Variants in ACSL3 observed in about 807,000 individuals in gnomAD.
ACSL3 encodes the protein fatty acid CoA ligase Acsl3.
ACSL3 carries 34 observed loss-of-function variants against 84.7 expected under a neutral mutation model. The ratio of observed to expected loss-of-function variants is 0.40; its 90% CI spans 0.31 to 0.53. The LOEUF is 0.53. Among genes scored for constraint, ACSL3 ranks in the 20% least tolerant of loss-of-function variants. The probability of loss-of-function intolerance (pLI) is 0.48; values close to 1 mark genes in which losing one functional copy is unlikely to be tolerated. For synonymous variants in ACSL3, 315 were observed against 299.4 expected (o/e 1.05, Z -0.54); for missense variants, 680 against 873.1 (o/e 0.78, Z 2.79).
rs55727337 is a variant in ACSL3 at position 222,925,030 on chromosome 2, C to CA, written c.1292+451dup. Among the ~76,000 whole-genome samples the CA allele has an allele frequency of 1.8e-3, 246 of 137,262 alleles. 2 individuals are homozygous for CA. Among genetic ancestry groups the CA allele is most frequent in the African/African-American group, 6.3e-3 (229 of 36,374 alleles). 90.0% of individuals were successfully genotyped at this position (137,262 alleles called of 152,430 possible). A position where few individuals can be genotyped will look rare whatever the true frequency, so the allele number is the denominator to read the frequency against. On this transcript the variant is annotated intron_variant, in intron 11 of 16. Coordinates refer to ENST00000357430, the MANE Select transcript of ACSL3 (RefSeq NM_004457.5). Reference sequence around the variant, plus strand: ...TGGGCGACAGAGCGAGAATCCGTCTCAAAAAAAAAAAAAAAATCCATCCTG... The same window carrying CA: ...TGGGCGACAGAGCGAGAATCCGTCTCAAAAAAAAAAAAAAAAATCCATCCTG...
At chr2:222,911,975 G>T (rs560455802) in intron 4 of ACSL3, among the ~76,000 whole-genome samples, 16 of 152,186 alleles carry the variant, frequency 1.1e-4, no homozygotes, top group Admixed American at 5.2e-4. Flanking sequence ...AGGAGGTTTT[G>T]AATTTCTATA....
At chr2:222,907,019 G>A (rs1696311908) in intron 3 of ACSL3, among the ~76,000 whole-genome samples, 1 of 152,236 alleles carries the variant, frequency 6.6e-6, no homozygotes, top group African/African-American at 2.4e-5. Context: ...CTTACAGCCT[G>A]CTTCTCCAGC....
intron 4 of ACSL3, among the ~76,000 whole-genome samples, chr2:222,914,020 T>C (rs1263729130): frequency 1.3e-5 from 2 of 152,178 alleles, no homozygotes; most frequent in African/African-American, 2.4e-5. Context: ...GTGGCTCCCC[T>C]CAGAATAATT....
At chr2:222,916,298 A>C in intron 4 of ACSL3, 21 bp from the exon 5 acceptor site, 2 of 1,420,922 alleles carry the variant, frequency 1.4e-6, no homozygotes, top group Non-Finnish European at 1.9e-6. Flanking sequence ...ACATTAAAAA[A>C]ATTTTTTTTT....
Position 222,942,947 on chromosome 2 carries a change from T to C in ACSL3, c.*1293T>C, listed in dbSNP as rs190806793. 49 of 224,916 alleles carry C rather than the reference T, an allele frequency of 2.2e-4. No individual in the cohort carries two copies. In the East Asian group the frequency reaches 2.6e-3, roughly 12 times the overall value. The allele number at this position is 224,916 out of a possible 1,614,324, so 13.9% of individuals were successfully genotyped here. On this transcript the variant is annotated 3_prime_UTR_variant, in exon 17 of 17. Transcript: ENST00000357430. ...ATTTATTACTGCTTGTCTGTTGTTATATCTGGATTATCAAAAGCAATAGTG... is the reference window on the plus strand; with the variant it reads ...ATTTATTACTGCTTGTCTGTTGTTACATCTGGATTATCAAAAGCAATAGTG...
intron 14 of ACSL3, among the ~76,000 whole-genome samples, chr2:222,932,529 A>G (rs1169931072): frequency 6.6e-6 from 1 of 151,930 alleles, no homozygotes; most frequent in African/African-American, 2.4e-5. Context: ...GGGTTTCACC[A>G]TGTTGGCCAG....
chr2:222,886,982 C>T (rs570188528), intron 1 of ACSL3, among the ~76,000 whole-genome samples: 66 of 152,254 alleles, frequency 4.3e-4, no homozygotes, highest in African/African-American at 1.5e-3. Context: ...CTGTACCCTC[C>T]GCAGGTTTTA....
rs1159339969 is a variant in ACSL3, at chr2:222,864,111, G to A, written c.-207+2853G>A. ...AATAGTAAATGGAGTGGGAGAAAGAGGTGCTAAGTGATTACTAGGTTTCAG... is the reference window on the plus strand; with the variant it reads ...AATAGTAAATGGAGTGGGAGAAAGAAGTGCTAAGTGATTACTAGGTTTCAG... On this transcript the variant is annotated intron_variant, in intron 1 of 16. Transcript: ENST00000357430. Among the ~76,000 whole-genome samples the A allele has an allele frequency of 2.6e-5, 4 of 152,166 alleles. No individual in the cohort carries two copies. In the East Asian group the frequency reaches 7.7e-4, roughly 29 times the overall value.
At chr2:222,901,900 C>T (rs542992316) in intron 3 of ACSL3, among the ~76,000 whole-genome samples, 154 of 139,838 alleles carry the variant, frequency 1.1e-3, no homozygotes, top group African/African-American at 4.0e-3. Flanking sequence ...GCCGAGATCG[C>T]GCCACTGCAC....
chr2:222,916,541 A>G lies in ACSL3; in HGVS notation c.556+45A>G, dbSNP rs965203294. The G allele has an allele frequency of 9.5e-6, 14 of 1,480,974 alleles. No homozygotes were observed. In the African/African-American group the frequency reaches 2.0e-4, roughly 21 times the overall value. 91.7% of individuals were successfully genotyped at this position (1,480,974 alleles called of 1,614,324 possible). A position where few individuals can be genotyped will look rare whatever the true frequency, so the allele number is the denominator to read the frequency against. ...TTCTGGAAGAATGAACTTAACTGAT[A>G]TTTATTGAAATACTTTACTCTGAAG... On this transcript the variant is annotated intron_variant, in intron 5 of 16. Transcript: ENST00000357430.
intron 14 of ACSL3, 179 bp from the exon 15 acceptor site, chr2:222,932,987 A>T: frequency 4.3e-6 from 2 of 465,548 alleles, no homozygotes; most frequent in Non-Finnish European, 3.9e-6. Flanking sequence ...TACAAAAATT[A>T]GGGCCTAATT....
At chr2:222,867,562 T>A (rs756200376) in intron 1 of ACSL3, among the ~76,000 whole-genome samples, 4 of 152,210 alleles carry the variant, frequency 2.6e-5, no homozygotes, top group Non-Finnish European at 4.4e-5. Flanking sequence ...TCAAAATCAC[T>A]TAGCAGTGTG....
Position 222,919,058 on chromosome 2 carries a change from T to A in ACSL3, c.667-6T>A, listed in dbSNP as rs1696659299. On this transcript the variant is annotated splice_polypyrimidine_tract_variant and splice_region_variant and intron_variant, in intron 6 of 16. Coordinates refer to ENST00000357430, the MANE Select transcript of ACSL3 (RefSeq NM_004457.5). ...ATGAACGTGATGAATGTTGGTGTAT[T>A]TCTAGGATATAGTTTCTTTGGTCCC... The A allele has an allele frequency of 6.2e-7, 1 of 1,613,052 alleles. No homozygotes were observed. The highest frequency in any genetic ancestry group is 2.2e-5 in the East Asian group (1 of 44,788).
intron 14 of ACSL3, among the ~76,000 whole-genome samples, chr2:222,931,204 C>T (rs1045773885): frequency 8.5e-5 from 13 of 152,076 alleles, no homozygotes; most frequent in Non-Finnish European, 1.3e-4. Context: ...TGAAAAATAC[C>T]TTATTCTGCT....
intron 4 of ACSL3, among the ~76,000 whole-genome samples, chr2:222,910,276 C>G (rs1448057056): frequency 6.6e-6 from 1 of 152,170 alleles, no homozygotes; most frequent in Non-Finnish European, 1.5e-5. Flanking sequence ...ATGAGCAGTT[C>G]TTGAAACTCT....
chr2:222,862,551 A>G, intron 1 of ACSL3, among the ~76,000 whole-genome samples: 1 of 152,242 alleles, frequency 6.6e-6, no homozygotes, highest in Non-Finnish European at 1.5e-5. Context: ...TTAGAAGGGT[A>G]TTATAGGGGA....
At chr2:222,875,427 C>G (rs1307059092) in intron 1 of ACSL3, among the ~76,000 whole-genome samples, 2 of 151,970 alleles carry the variant, frequency 1.3e-5, no homozygotes, top group Non-Finnish European at 2.9e-5. Context: ...CTGTGTAGTG[C>G]CAGTTGAAAT....
intron 2 of ACSL3, among the ~76,000 whole-genome samples, chr2:222,892,132 G>T (rs1695857177): frequency 6.6e-6 from 1 of 152,190 alleles, no homozygotes; most frequent in Non-Finnish European, 1.5e-5. Context: ...GATTGTGTTA[G>T]TATTTGAGGA....
intron 3 of ACSL3, chr2:222,904,831 C>T: frequency 6.4e-6 from 1 of 155,196 alleles, no homozygotes. Context: ...TTCGAGTTCA[C>T]TCTACTGCCT....
Sources: allele counts gnomAD v4.1 joint callset (sites outside exome capture counted in the v4.1 genomes callset), GRCh38; gene constraint gnomAD v4.1.1; transcripts MANE v1.5; gene names NCBI Gene and HGNC (gene_info 2026-07-23, HGNC 2026-07-21).